The following NAV3 variants were observed in gnomAD, a reference collection of about 807,000 sequenced individuals.
NAV3 encodes neuron navigator 3.
In NAV3, 87 loss-of-function variants were observed where a neutral mutation model predicts 244.7. The ratio of observed to expected loss-of-function variants is 0.36; its 90% CI spans 0.30 to 0.42. The LOEUF is 0.42. NAV3 is among the 20% of genes least tolerant of loss of function. The pLI is 1.00. For missense variants in NAV3, 2,663 were observed against 2,893.3 expected (o/e 0.92, Z 1.83); for synonymous variants, 1,126 against 1,042.2 (o/e 1.08, Z -1.55).
chr12:77,943,024 C>A (rs1890022656), intron 3 of NAV3, among the ~76,000 whole-genome samples: 1 of 152,090 alleles, frequency 6.6e-6, no homozygotes, highest in South Asian at 2.1e-4. Flanking sequence ...CAATTTGATT[C>A]TGGGATTACA....
intron 1 of NAV3, among the ~76,000 whole-genome samples, chr12:77,886,984 T>G (rs866374938): frequency 3.9e-5 from 6 of 152,156 alleles, no homozygotes; most frequent in South Asian, 4.1e-4. Context: ...ACAACAGTTT[T>G]TCATGTTCAC....
At chr12:78,093,802 A>G (rs1164037354) in intron 12 of NAV3, among the ~76,000 whole-genome samples, 6 of 152,318 alleles carry the variant, frequency 3.9e-5, no homozygotes, top group African/African-American at 1.4e-4. Flanking sequence ...TTGTTTACAG[A>G]GACAAGACTT....
rs1187813061 is a variant in NAV3 at position 78,183,377 on chromosome 12, A to G, written c.5693-2224A>G. 3.9e-5 allele frequency among the ~76,000 whole-genome samples: 6 copies of G among 151,912 alleles called. No homozygotes were observed. The East Asian group carries it at 1.2e-3, about 29-fold the overall frequency. Reference sequence around the variant, plus strand: ...GAGCAAAACTTAGTAAACACTGAGGATGAAGTGCTTTAAAAGTATTATCTT... The same window carrying G: ...GAGCAAAACTTAGTAAACACTGAGGGTGAAGTGCTTTAAAAGTATTATCTT... On this transcript the variant is annotated intron_variant, in intron 30 of 39. Coordinates refer to ENST00000397909, the MANE Select transcript of NAV3 (RefSeq NM_001024383.2).
chr12:77,834,290 T>C (rs1192367215), intron 1 of NAV3, among the ~76,000 whole-genome samples: 1 of 152,174 alleles, frequency 6.6e-6, no homozygotes, highest in Non-Finnish European at 1.5e-5. Context: ...GGGTTGGGAA[T>C]GGATGATTTG....
chr12:77,606,674 G>T lies in NAV3; in HGVS notation c.72+34408G>T, dbSNP rs138935628. ...ATGAGAAATGTCTTCAACAATAAAA[G>T]AATTTGATGCAATCATTTAGGCTTG... On this transcript the variant is annotated intron_variant, in intron 2 of 8. Transcript: ENST00000550042. 4.9e-3 allele frequency among the ~76,000 whole-genome samples: 752 copies of T among 152,180 alleles called. 3 individuals are homozygous for T. Among genetic ancestry groups the T allele is most frequent in the Non-Finnish European group, 8.2e-3 (555 of 68,002 alleles).
chr12:77,938,376 T>C (rs1889531832), intron 1 of NAV3, among the ~76,000 whole-genome samples: 1 of 152,186 alleles, frequency 6.6e-6, no homozygotes, highest in Non-Finnish European at 1.5e-5. Flanking sequence ...GAGACAGTTA[T>C]GCAAGTAATT....
At chr12:78,094,238 TG>T (rs1317988574) in intron 12 of NAV3, among the ~76,000 whole-genome samples, 1 of 152,194 alleles carries the variant, frequency 6.6e-6, no homozygotes, top group East Asian at 1.9e-4. Flanking sequence ...AGAGTTTAAC[TG>T]AAAGCACTGT....
chr12:77,597,896 A>G lies in NAV3; in HGVS notation c.72+25630A>G, dbSNP rs572588494. On this transcript the variant is annotated intron_variant, in intron 2 of 8. Transcript: ENST00000550042. The stretch of plus-strand genomic sequence containing the variant: ...GTGGAGACAGTCTTAAAAAGGAGAA[A>G]GCAAGCCTCCCTATATCTCTGACCA... Among the ~76,000 whole-genome samples the G allele has an allele frequency of 2.6e-5, 4 of 152,170 alleles. No individual in the cohort carries two copies. In the East Asian group the frequency reaches 5.8e-4, roughly 22 times the overall value.
At chr12:77,965,982 A>G (rs985328884) in intron 3 of NAV3, among the ~76,000 whole-genome samples, 1 of 152,174 alleles carries the variant, frequency 6.6e-6, no homozygotes, top group Non-Finnish European at 1.5e-5. Flanking sequence ...TGGGTTGCTA[A>G]TCTGCAAGAA....
chr12:77,876,212 TC>T (rs879603328), intron 1 of NAV3, among the ~76,000 whole-genome samples: 5 of 152,056 alleles, frequency 3.3e-5, no homozygotes, highest in Admixed American at 3.3e-4. Flanking sequence ...AAGTGAACAT[TC>T]CCTCCATATT....
At chr12:77,889,594 T>C (rs1187491183) in intron 1 of NAV3, among the ~76,000 whole-genome samples, 1 of 152,228 alleles carries the variant, frequency 6.6e-6, no homozygotes, top group African/African-American at 2.4e-5. Flanking sequence ...ATGATTCATG[T>C]TATACTGAAC....
intron 1 of NAV3, among the ~76,000 whole-genome samples, chr12:77,844,169 C>T (rs1353839473): frequency 1.3e-5 from 2 of 152,136 alleles, no homozygotes; most frequent in African/African-American, 4.8e-5. Context: ...TGTCTAAGAT[C>T]GAGGTGACGG....
chr12:77,841,425 A>T (rs922753613), intron 1 of NAV3, among the ~76,000 whole-genome samples: 1 of 152,242 alleles, frequency 6.6e-6, no homozygotes, highest in African/African-American at 2.4e-5. Context: ...ATATGCAATC[A>T]AAATGGCATT....
At position 77,707,541 on chromosome 12, in the gene NAV3, T is replaced by G. The variant is rs141740604; in HGVS notation, c.72+135275T>G. On this transcript the variant is annotated intron_variant, in intron 2 of 8. Coordinates refer to the NAV3 transcript ENST00000550042. ...GAATATATGTGTGCATGTGTCTTTA[T>G]AGCAGCATGATTTATAATCCTTTGG... is the stretch of plus-strand genomic sequence containing the variant. Among the ~76,000 whole-genome samples the G allele has an allele frequency of 2.4e-4, 36 of 152,332 alleles. No homozygotes were observed. The East Asian group carries it at 6.9e-3, about 29-fold the overall frequency.
chr12:78,074,021 A>G (rs183992011), intron 12 of NAV3, among the ~76,000 whole-genome samples: 116 of 152,356 alleles, frequency 7.6e-4, no homozygotes, highest in Admixed American at 1.6e-3. Flanking sequence ...AATGTCTTAA[A>G]TGTAGAAATA....
intron 2 of NAV3, among the ~76,000 whole-genome samples, chr12:77,694,955 A>G (rs1592591115): frequency 6.6e-6 from 1 of 152,294 alleles, no homozygotes; most frequent in South Asian, 2.1e-4. Context: ...TGGAAGTTGT[A>G]TTACACCACT....
intron 2 of NAV3, among the ~76,000 whole-genome samples, chr12:77,736,423 G>A (rs956712312): frequency 9.9e-5 from 15 of 152,090 alleles, no homozygotes; most frequent in South Asian, 2.1e-4. Context: ...TTCTTATGTC[G>A]GTCTTGCTGG....
intron 2 of NAV3, among the ~76,000 whole-genome samples, chr12:77,787,558 G>A (rs959704510): frequency 3.9e-5 from 6 of 152,094 alleles, no homozygotes; most frequent in South Asian, 2.1e-4. Context: ...TTAGAAAACC[G>A]TCAGATTTCA....
At chr12:78,060,258 A>G (rs970396361) in intron 12 of NAV3, among the ~76,000 whole-genome samples, 4 of 152,194 alleles carry the variant, frequency 2.6e-5, no homozygotes, top group African/African-American at 9.7e-5. Context: ...ACATTCTGAA[A>G]TAGGAACTGT....
Sources: allele counts gnomAD v4.1 joint callset (sites outside exome capture counted in the v4.1 genomes callset), GRCh38; gene constraint gnomAD v4.1.1; transcripts MANE v1.5; gene names NCBI Gene and HGNC (gene_info 2026-07-23, HGNC 2026-07-21).